The following SYN3 variants were observed in gnomAD, a reference collection of about 807,000 sequenced individuals.
SYN3 encodes the protein synapsin-3.
A neutral mutation model predicts 65.8 loss-of-function variants in SYN3; 35 were observed. The ratio of observed to expected loss-of-function variants is 0.53; its 90% CI spans 0.41 to 0.70. SYN3 has a LOEUF of 0.70. Among genes scored for constraint, SYN3 ranks in the 30% least tolerant of loss-of-function variants. SYN3 has a pLI of 0.00. For missense variants in SYN3, 680 were observed against 749.0 expected (o/e 0.91, Z 1.08); for synonymous variants, 270 against 292.9 (o/e 0.92, Z 0.80).
rs1456391544 is a variant in SYN3 at position 33,058,354 on chromosome 22, C to A, written c.-225G>T. 1 of 151,598 alleles carries A rather than the reference C, an allele frequency of 6.6e-6. No individual in the cohort carries two copies. Among genetic ancestry groups the A allele is most frequent in the African/African-American group, 2.4e-5 (1 of 41,354 alleles). The allele number at this position is 151,598 out of a possible 1,614,324, so 9.4% of individuals were successfully genotyped here. On this transcript the variant is annotated 5_prime_UTR_variant, in exon 1 of 14. Transcript: ENST00000358763. ...TCGGCGCGGCGCCCGCCAGTCGATCCGCTCCGGGTCCCGGGAGCTCAGCCT... is the reference window on the plus strand; with the variant it reads ...TCGGCGCGGCGCCCGCCAGTCGATCAGCTCCGGGTCCCGGGAGCTCAGCCT...
chr22:32,850,966 G>A (rs1463739629), intron 6 of SYN3, among the ~76,000 whole-genome samples: 1 of 152,164 alleles, frequency 6.6e-6, no homozygotes, highest in African/African-American at 2.4e-5. Flanking sequence ...GGAACCTGTT[G>A]CTTTGGATTC....
At chr22:32,635,941 T>C (rs936188900) in intron 6 of SYN3, among the ~76,000 whole-genome samples, 11 of 152,218 alleles carry the variant, frequency 7.2e-5, no homozygotes, top group African/African-American at 2.7e-4. Context: ...CAGCTGCTCA[T>C]TGGAACAAAA....
At chr22:32,684,345 T>C (rs1256349858) in intron 6 of SYN3, among the ~76,000 whole-genome samples, 1 of 152,176 alleles carries the variant, frequency 6.6e-6, no homozygotes, top group Non-Finnish European at 1.5e-5. Context: ...GATAGAGCCC[T>C]GATGACATCA....
chr22:32,524,364 C>T (rs1045455240), intron 12 of SYN3, among the ~76,000 whole-genome samples: 19 of 152,248 alleles, frequency 1.2e-4, no homozygotes, highest in Admixed American at 7.8e-4. Flanking sequence ...CTAGTGCAGC[C>T]GGTGACTTAG....
intron 4 of SYN3, among the ~76,000 whole-genome samples, chr22:32,901,862 A>G (rs1438306757): frequency 6.6e-6 from 1 of 152,158 alleles, no homozygotes; most frequent in Non-Finnish European, 1.5e-5. Flanking sequence ...ATGTCAACCA[A>G]TCATGGTTTG....
At position 33,006,510 on chromosome 22, in the gene SYN3, G is replaced by C; in HGVS notation, c.153C>G (p.Ser51=). 1.9e-6 allele frequency: 3 copies of C among 1,614,230 alleles called. No homozygotes were observed. The highest frequency in any genetic ancestry group is 2.5e-6 in the Non-Finnish European group (3 of 1,180,036). ...ERRHPQPLAA[S]FSSPGSSLFS... Reference sequence around the variant, plus strand: ...AAAGGCTGGATCCTGGAGAGGAGAAGGAGGCAGCCAGGGGCTGGGGGTGCC... The same window carrying C: ...AAAGGCTGGATCCTGGAGAGGAGAACGAGGCAGCCAGGGGCTGGGGGTGCC... Residue 51 remains serine (S), a synonymous_variant, in exon 2 of 14, where the codon TCC becomes TCG. Transcript: ENST00000358763.
At chr22:32,680,324 C>T (rs2060506629) in intron 6 of SYN3, among the ~76,000 whole-genome samples, 1 of 152,188 alleles carries the variant, frequency 6.6e-6, no homozygotes, top group Non-Finnish European at 1.5e-5. Flanking sequence ...CTCCCATACC[C>T]TTTGCCTCTG....
At chr22:32,858,950 C>A (rs1040250254) in intron 6 of SYN3, among the ~76,000 whole-genome samples, 1 of 152,154 alleles carries the variant, frequency 6.6e-6, no homozygotes, top group African/African-American at 2.4e-5. Context: ...CCTCTCAGAG[C>A]CTCCTAAAAC....
At chr22:32,769,835 A>G (rs1467414409) in intron 6 of SYN3, among the ~76,000 whole-genome samples, 2 of 151,930 alleles carry the variant, frequency 1.3e-5, no homozygotes, top group Non-Finnish European at 2.9e-5. Flanking sequence ...ACTTCTAAAC[A>G]CTGTAGCACT....
At chr22:32,550,821 A>T (rs1394383173) in intron 7 of SYN3, among the ~76,000 whole-genome samples, 1 of 152,192 alleles carries the variant, frequency 6.6e-6, no homozygotes, top group African/African-American at 2.4e-5. Context: ...TTGGGCAGAA[A>T]ATGTACAAGA....
chr22:32,710,815 GC>G (rs1335885291), intron 6 of SYN3, among the ~76,000 whole-genome samples: 1 of 151,836 alleles, frequency 6.6e-6, no homozygotes, highest in Admixed American at 6.6e-5. Flanking sequence ...TGTACTGCCT[GC>G]AGAACCATGA....
At chr22:32,699,328 C>T (rs555669771) in intron 6 of SYN3, among the ~76,000 whole-genome samples, 139 of 152,364 alleles carry the variant, frequency 9.1e-4, no homozygotes, top group African/African-American at 3.1e-3. Flanking sequence ...TTGGGCTCCC[C>T]TGAACCCTGC....
intron 1 of SYN3, among the ~76,000 whole-genome samples, chr22:33,010,602 C>T (rs918181997): frequency 6.6e-6 from 1 of 152,116 alleles, no homozygotes; most frequent in Non-Finnish European, 1.5e-5. Context: ...TAAAGTGAGT[C>T]CTCCAACTTA....
intron 6 of SYN3, among the ~76,000 whole-genome samples, chr22:32,643,877 G>A (rs1409202946): frequency 6.6e-6 from 1 of 151,510 alleles, no homozygotes; most frequent in Non-Finnish European, 1.5e-5. Flanking sequence ...GGATCACAAG[G>A]TCAGGAGTTC....
intron 6 of SYN3, among the ~76,000 whole-genome samples, chr22:32,703,321 T>C (rs1233869421): frequency 6.6e-6 from 1 of 152,112 alleles, no homozygotes; most frequent in Non-Finnish European, 1.5e-5. Context: ...ATCTGTACAT[T>C]TCTGACCCAA....
intron 6 of SYN3, among the ~76,000 whole-genome samples, chr22:32,650,063 C>T (rs951555312): frequency 3.3e-5 from 5 of 152,030 alleles, no homozygotes; most frequent in African/African-American, 7.2e-5. Context: ...TAGAACTCTT[C>T]CCCCAATTCC....
rs184241981 is a variant in SYN3 at position 32,877,529 on chromosome 22, G to A, written c.462-8404C>T. Among the ~76,000 whole-genome samples, 46 of 152,154 alleles carry A rather than the reference G, an allele frequency of 3.0e-4. No individual in the cohort carries two copies. In the East Asian group the frequency reaches 8.5e-3, roughly 28 times the overall value. On this transcript the variant is annotated intron_variant, in intron 4 of 13. Transcript: ENST00000358763. Reference sequence around the variant, plus strand: ...CTTGTAGGATATTAGGAGCATCTCTGGCCTCTACCCACTAGACGCAGCAGC... The same window carrying A: ...CTTGTAGGATATTAGGAGCATCTCTAGCCTCTACCCACTAGACGCAGCAGC...
chr22:32,771,238 T>A (rs954399396), intron 6 of SYN3, among the ~76,000 whole-genome samples: 1 of 152,212 alleles, frequency 6.6e-6, no homozygotes, highest in Admixed American at 6.5e-5. Context: ...GGACATGAAC[T>A]CATTCTTTTT....
chr22:32,556,838 G>A lies in SYN3; in HGVS notation c.775-15125C>T, dbSNP rs1284239848. Among the ~76,000 whole-genome samples, 4 of 82,610 alleles carry A rather than the reference G, an allele frequency of 4.8e-5. No individual in the cohort carries two copies. In the East Asian group the frequency reaches 1.1e-3, roughly 22 times the overall value. 54.2% of individuals were successfully genotyped at this position (82,610 alleles called of 152,430 possible). A position where few individuals can be genotyped will look rare whatever the true frequency, so the allele number is the denominator to read the frequency against. ...TTTTTTTTTTTTTTTTTTTTTTTGT[G>A]TGTAGAGATGGGGTCTTGCTGTGTT... On this transcript the variant is annotated intron_variant, in intron 7 of 13. Coordinates refer to ENST00000358763, the MANE Select transcript of SYN3 (RefSeq NM_003490.4).
Sources: allele counts gnomAD v4.1 joint callset (sites outside exome capture counted in the v4.1 genomes callset), GRCh38; gene constraint gnomAD v4.1.1; transcripts MANE v1.5; gene names NCBI Gene and HGNC (gene_info 2026-07-23, HGNC 2026-07-21).